VPS41: variants seen among roughly 807,000 people sequenced by gnomAD.
VPS41 encodes vacuolar protein sorting-associated protein 41 homolog.
In VPS41, 85 loss-of-function variants were observed where a neutral mutation model predicts 130.9. The observed-to-expected ratio is 0.65, with a 90% CI of 0.55 to 0.78. The LOEUF is 0.78. Among genes scored for constraint, VPS41 ranks in the 30% least tolerant of loss-of-function variants. The pLI is 0.00. For synonymous variants in VPS41, 335 were observed against 332.9 expected (o/e 1.01, Z -0.07); for missense variants, 874 against 1,018.7 (o/e 0.86, Z 1.93).
chr7:38,788,436 A>C (rs377481639), intron 10 of VPS41, among the ~76,000 whole-genome samples: 2 of 152,236 alleles, frequency 1.3e-5, no homozygotes, highest in South Asian at 2.1e-4. Context: ...GAGTTACTGC[A>C]GTTTATGTAA....
intron 4 of VPS41, among the ~76,000 whole-genome samples, chr7:38,852,931 T>C (rs986218653): frequency 5.9e-5 from 9 of 152,192 alleles, no homozygotes; most frequent in Admixed American, 6.5e-5. Flanking sequence ...GACACTCCCT[T>C]GAAAACACTC....
At position 38,870,246 on chromosome 7, in the gene VPS41, C is replaced by T. The variant is rs116206623; in HGVS notation, c.61-993G>A. 5.1e-3 allele frequency among the ~76,000 whole-genome samples: 772 copies of T among 152,300 alleles called. 7 individuals carry two copies. The highest frequency in any genetic ancestry group is 0.017 in the African/African-American group (725 of 41,570). ...GAGACATGAGCTTGTTACACAGCTA[C>T]TTTTCCCTGTAAGACAACTGTCAAT... On this transcript the variant is annotated intron_variant, in intron 2 of 28. Coordinates refer to ENST00000310301, the MANE Select transcript of VPS41 (RefSeq NM_014396.4).
At chr7:38,758,328 A>T in intron 18 of VPS41, 26 bp downstream of exon 18, 1 of 1,583,720 alleles carries the variant, frequency 6.3e-7, no homozygotes, top group Non-Finnish European at 8.6e-7. Flanking sequence ...ACTGATATGG[A>T]AAAAGAAACA....
At chr7:38,766,527 G>A (rs577382138) in intron 15 of VPS41, among the ~76,000 whole-genome samples, 1 of 152,284 alleles carries the variant, frequency 6.6e-6, no homozygotes, top group East Asian at 1.9e-4. Flanking sequence ...GTTTCTTACT[G>A]CCCAGTACAA....
chr7:38,904,308 A>G (rs1246493457), intron 1 of VPS41, among the ~76,000 whole-genome samples: 1 of 152,214 alleles, frequency 6.6e-6, no homozygotes, highest in Non-Finnish European at 1.5e-5. Context: ...AATTCAGGTG[A>G]AGATAAGTGG....
At chr7:38,728,449 G>A (rs1262104996) in intron 27 of VPS41, 93 bp downstream of exon 27, 1 of 1,355,858 alleles carries the variant, frequency 7.4e-7, no homozygotes, top group Admixed American at 1.7e-5. Flanking sequence ...AAGTTATATA[G>A]TTTTATAAAC....
intron 5 of VPS41, among the ~76,000 whole-genome samples, chr7:38,828,970 A>C (rs1196254819): frequency 1.3e-5 from 2 of 152,182 alleles, no homozygotes; most frequent in African/African-American, 4.8e-5. Context: ...ACTATCTTTC[A>C]ACAAATTAGT....
intron 5 of VPS41, among the ~76,000 whole-genome samples, chr7:38,827,517 G>C (rs1212290631): frequency 3.3e-5 from 5 of 152,166 alleles, no homozygotes; most frequent in African/African-American, 1.2e-4. Flanking sequence ...GATTAAAAAT[G>C]AATGGTTAGC....
intron 22 of VPS41, among the ~76,000 whole-genome samples, chr7:38,748,500 T>C (rs1262003928): frequency 1.3e-5 from 2 of 151,618 alleles, no homozygotes; most frequent in African/African-American, 4.8e-5. Context: ...TTGGCATCTC[T>C]CAGCTTTATT....
intron 9 of VPS41, among the ~76,000 whole-genome samples, chr7:38,793,165 C>T (rs2115966143): frequency 6.6e-6 from 1 of 152,300 alleles, no homozygotes; most frequent in Non-Finnish European, 1.5e-5. Context: ...TTTTTGTCCA[C>T]CTTCCTCACT....
chr7:38,825,636 TA>T (rs369635200), intron 5 of VPS41, among the ~76,000 whole-genome samples: 1 of 150,546 alleles, frequency 6.6e-6, no homozygotes, highest in African/African-American at 2.4e-5. Context: ...CTGAACCTGC[TA>T]AAAAAAAATA....
At chr7:38,729,763 T>TAAAA in intron 25 of VPS41, among the ~76,000 whole-genome samples, 1 of 152,250 alleles carries the variant, frequency 6.6e-6, no homozygotes, top group South Asian at 2.1e-4. Flanking sequence ...CCCCTGCTTT[T>TAAAA]AGGTGGGGAC....
chr7:38,798,331 T>A (rs1331019101), intron 7 of VPS41, among the ~76,000 whole-genome samples: 2 of 152,192 alleles, frequency 1.3e-5, no homozygotes, highest in Non-Finnish European at 2.9e-5. Context: ...CTCACTCTGT[T>A]ACCCAGGCTG....
intron 27 of VPS41, 92 bp from the exon 28 acceptor site, chr7:38,727,080 A>G (rs774641291): frequency 3.3e-6 from 4 of 1,227,024 alleles, no homozygotes; most frequent in Non-Finnish European, 1.1e-6. Flanking sequence ...TTGCAGTTTA[A>G]TTTTCAGCAA....
chr7:38,803,084 C>T (rs530934504), intron 7 of VPS41, among the ~76,000 whole-genome samples: 12 of 152,208 alleles, frequency 7.9e-5, no homozygotes, highest in South Asian at 2.1e-4. Flanking sequence ...CAGCAATATA[C>T]TTTATTCTCC....
intron 4 of VPS41, among the ~76,000 whole-genome samples, chr7:38,841,612 T>C (rs911467169): frequency 6.6e-6 from 1 of 152,080 alleles, no homozygotes; most frequent in African/African-American, 2.4e-5. Context: ...CTCACAACTT[T>C]TGTTGTTGTT....
intron 9 of VPS41, among the ~76,000 whole-genome samples, chr7:38,791,111 C>T (rs1417867411): frequency 6.6e-6 from 1 of 152,108 alleles, no homozygotes; most frequent in Non-Finnish European, 1.5e-5. Flanking sequence ...TAGAAGTGAC[C>T]GGCTGTCTTC....
intron 15 of VPS41, among the ~76,000 whole-genome samples, chr7:38,767,131 C>T (rs577441425): frequency 1.2e-4 from 19 of 152,282 alleles, no homozygotes; most frequent in African/African-American, 4.3e-4. Context: ...ATTGTTGTAG[C>T]AGTACCTTGG....
chr7:38,834,259 G>A (rs898056211), intron 4 of VPS41, among the ~76,000 whole-genome samples: 1 of 152,042 alleles, frequency 6.6e-6, no homozygotes, highest in African/African-American at 2.4e-5. Flanking sequence ...CTTTTAATCC[G>A]CAAACATGGA....
Sources: allele counts gnomAD v4.1 joint callset (sites outside exome capture counted in the v4.1 genomes callset), GRCh38; gene constraint gnomAD v4.1.1; transcripts MANE v1.5; gene names NCBI Gene and HGNC (gene_info 2026-07-23, HGNC 2026-07-21).